The following ZNF516 variants were observed in gnomAD, a reference collection of about 807,000 sequenced individuals.
ZNF516 encodes zinc finger protein 516.
In ZNF516, 19 loss-of-function variants were observed where a neutral mutation model predicts 79.7. The ratio of observed to expected loss-of-function variants is 0.24; its 90% CI spans 0.17 to 0.35. The LOEUF is 0.35. Ranked by LOEUF, ZNF516 falls within the 10% of genes least tolerant of loss-of-function variation. The pLI, the probability that ZNF516 is intolerant of heterozygous loss-of-function variation, is 1.00. For missense variants in ZNF516, 1,678 were observed against 1,679.5 expected (o/e 1.00, Z 0.02); for synonymous variants, 877 against 739.5 (o/e 1.19, Z -3.02).
chr18:76,422,276 T>C (rs2075518436), intron 3 of ZNF516, among the ~76,000 whole-genome samples: 1 of 151,984 alleles, frequency 6.6e-6, no homozygotes, highest in South Asian at 2.1e-4. Context: ...CAGAAGAGCC[T>C]GCGGAGAGCG....
intron 3 of ZNF516, among the ~76,000 whole-genome samples, chr18:76,399,767 C>T (rs2075193668): frequency 6.6e-6 from 1 of 152,178 alleles, no homozygotes; most frequent in African/African-American, 2.4e-5. Context: ...ATCCCTTGAA[C>T]ATAGCTCTGG....
chr18:76,462,444 CAG>C (rs1178293308), intron 2 of ZNF516, among the ~76,000 whole-genome samples: 36 of 152,358 alleles, frequency 2.4e-4, no homozygotes, highest in African/African-American at 8.4e-4. Flanking sequence ...CAGGTCTCAG[CAG>C]AGAGATTAGC....
At chr18:76,391,170 G>A (rs2075068092) in intron 3 of ZNF516, among the ~76,000 whole-genome samples, 1 of 152,172 alleles carries the variant, frequency 6.6e-6, no homozygotes. Flanking sequence ...AAAATGATAT[G>A]AAGAGTCTGC....
chr18:76,379,198 G>A lies in ZNF516; in HGVS notation c.2916C>T (p.Asp972=). The A allele has an allele frequency of 6.2e-7, 1 of 1,612,894 alleles. No individual in the cohort carries two copies. The highest frequency in any genetic ancestry group is 8.5e-7 in the Non-Finnish European group (1 of 1,179,766). ...FAPTNKHSAP[D]SLKAKFSAQP... ...GAGCACTGAATTTGGCTTTCAGGGAGTCCGGGGCACTGTGCTTATTTGTGG... is the reference window on the plus strand; with the variant it reads ...GAGCACTGAATTTGGCTTTCAGGGAATCCGGGGCACTGTGCTTATTTGTGG... Residue 972 remains aspartate (D), a synonymous_variant, in exon 4 of 7, where the codon GAC becomes GAT. Coordinates refer to ENST00000443185, the MANE Select transcript of ZNF516 (RefSeq NM_014643.4).
At chr18:76,440,061 C>T (rs689878) in intron 3 of ZNF516, among the ~76,000 whole-genome samples, 85,469 of 152,064 alleles carry the variant, frequency 0.56, 24,233 homozygotes, top group South Asian at 0.68. Context: ...TTAAAATACG[C>T]ATTACTGAAA....
Position 76,362,379 on chromosome 18 carries a change from G to C in ZNF516, c.*119C>G. 1 of 949,258 alleles carries C rather than the reference G, an allele frequency of 1.1e-6. No homozygotes were observed. The highest frequency in any genetic ancestry group is 2.7e-5 in the East Asian group (1 of 37,658). The allele number at this position is 949,258 out of a possible 1,614,324, so 58.8% of individuals were successfully genotyped here. On this transcript the variant is annotated 3_prime_UTR_variant, in exon 7 of 7. Coordinates refer to ENST00000443185, the MANE Select transcript of ZNF516 (RefSeq NM_014643.4). Reference sequence around the variant, plus strand: ...GCTCGGGATGTGAGGTGTCTGCTCAGGAGTTCCCCGGCTGTTCTTCCATGG... The same window carrying C: ...GCTCGGGATGTGAGGTGTCTGCTCACGAGTTCCCCGGCTGTTCTTCCATGG...
At chr18:76,487,930 G>A (rs1239365981) in intron 1 of ZNF516, 3 of 985,272 alleles carry the variant, frequency 3.0e-6, no homozygotes, top group Admixed American at 1.2e-4. Flanking sequence ...AGGGGAGGGA[G>A]AAGAAGGGAA....
chr18:76,410,878 G>A (rs965842372), intron 3 of ZNF516, among the ~76,000 whole-genome samples: 9 of 152,102 alleles, frequency 5.9e-5, no homozygotes, highest in African/African-American at 2.2e-4. Context: ...ACACATCAAA[G>A]AGCAAACACC....
intron 3 of ZNF516, among the ~76,000 whole-genome samples, chr18:76,390,715 G>C (rs937328377): frequency 1.3e-5 from 2 of 152,162 alleles, no homozygotes; most frequent in Admixed American, 1.3e-4. Context: ...AGGAGAAGCT[G>C]GGTTTGCCAA....
intron 3 of ZNF516, among the ~76,000 whole-genome samples, chr18:76,441,029 G>GGGGACCCTGGGCACA (rs1198059475): frequency 2.0e-5 from 3 of 152,140 alleles, no homozygotes; most frequent in Non-Finnish European, 4.4e-5. Context: ...CCTGGGTGTG[G>GGGGACCCTGGGCACA]GGGACCCTGG....
At position 76,389,926 on chromosome 18, in the gene ZNF516, C is replaced by T. The variant is rs150542244; in HGVS notation, c.1811-9623G>A. Reference sequence around the variant, plus strand: ...GGTCACATGACCTCACCTGTGGTCCCGAGCGATAGTGGGCAGCACGCAGTT... The same window carrying T: ...GGTCACATGACCTCACCTGTGGTCCTGAGCGATAGTGGGCAGCACGCAGTT... On this transcript the variant is annotated intron_variant, in intron 3 of 6. Transcript: ENST00000443185. Among the ~76,000 whole-genome samples the T allele has an allele frequency of 1.7e-3, 260 of 152,234 alleles. 1 individual carries two copies. The highest frequency in any genetic ancestry group is 5.9e-3 in the African/African-American group (245 of 41,526).
At chr18:76,488,529 A>AGGGGGG (rs1914967946) in intron 1 of ZNF516, among the ~76,000 whole-genome samples, 13 of 28,804 alleles carry the variant, frequency 4.5e-4, no homozygotes, top group South Asian at 1.5e-3. Context: ...TTTGAGGGGG[A>AGGGGGG]GGGGGAGGGG....
intron 3 of ZNF516, among the ~76,000 whole-genome samples, chr18:76,408,179 C>T (rs778944827): frequency 6.6e-6 from 1 of 152,204 alleles, no homozygotes; most frequent in East Asian, 1.9e-4. Flanking sequence ...AGGGACAGAA[C>T]TGGCAGGACC....
At chr18:76,481,343 G>A (rs1025980397) in intron 1 of ZNF516, among the ~76,000 whole-genome samples, 2 of 152,250 alleles carry the variant, frequency 1.3e-5, no homozygotes, top group Non-Finnish European at 2.9e-5. Context: ...GAGGCAGACA[G>A]CCTGTCCCAA....
intron 3 of ZNF516, among the ~76,000 whole-genome samples, chr18:76,414,691 A>AT (rs1183568237): frequency 1.6e-4 from 24 of 152,406 alleles, no homozygotes; most frequent in African/African-American, 5.3e-4. Flanking sequence ...AAACCAATAA[A>AT]TTCTAAAATT....
At position 76,442,411 on chromosome 18, in the gene ZNF516, A is replaced by G; in HGVS notation, c.644T>C (p.Leu215Pro). The change falls in exon 3 of 7, where the codon CTG becomes CCG. Residue 215 changes from leucine to proline, a missense_variant. By Grantham distance (98) the Leu-to-Pro change is moderately conservative (BLOSUM62 -3). Coordinates refer to ENST00000443185, the MANE Select transcript of ZNF516 (RefSeq NM_014643.4). ...GTGGTCCCTCTCGATGTGGCTCAGC[A>G]GCGACTCCTCCCGCAGCGTCGCGTA... ...CSYATLREES[L>P]LSHIERDHIT... 6.2e-7 allele frequency: 1 copy of G among 1,607,718 alleles called. No individual in the cohort carries two copies. Among genetic ancestry groups the G allele is most frequent in the Non-Finnish European group, 8.5e-7 (1 of 1,179,620 alleles).
At chr18:76,437,354 G>A (rs1201562187) in intron 3 of ZNF516, among the ~76,000 whole-genome samples, 1 of 152,148 alleles carries the variant, frequency 6.6e-6, no homozygotes, top group Non-Finnish European at 1.5e-5. Context: ...TGGGCGGCAG[G>A]GAGGCAGCCA....
chr18:76,404,074 C>A (rs1041594287), intron 3 of ZNF516, among the ~76,000 whole-genome samples: 9 of 152,230 alleles, frequency 5.9e-5, no homozygotes, highest in Non-Finnish European at 1.3e-4. Flanking sequence ...ACTGGCCTCC[C>A]CACTCCACTC....
In ZNF516 at chr18:76,493,301, G is replaced by A; in HGVS notation, c.-272+1843C>T. On this transcript the variant is annotated intron_variant, in intron 1 of 6. Transcript: ENST00000443185. This position sits in a 1 kb window ranked among gnomAD's most constrained non-coding sequence, Gnocchi z 5.2. ...AGTGGAGGCGGAAAGGGAGCTCCGAGAAAGAAGGAGGGGTCATTCCGCGGG... is the reference window on the plus strand; with the variant it reads ...AGTGGAGGCGGAAAGGGAGCTCCGAAAAAGAAGGAGGGGTCATTCCGCGGG... 2.3e-5 allele frequency: 5 copies of A among 220,250 alleles called. No homozygotes were observed. The highest frequency in any genetic ancestry group is 3.3e-5 in the Non-Finnish European group (5 of 150,702). The allele number at this position is 220,250 out of a possible 1,614,324, so 13.6% of individuals were successfully genotyped here. A position where few individuals can be genotyped will look rare whatever the true frequency, so the allele number is the denominator to read the frequency against.
Sources: allele counts gnomAD v4.1 joint callset (sites outside exome capture counted in the v4.1 genomes callset), GRCh38; gene constraint gnomAD v4.1.1; non-coding constraint Gnocchi (gnomAD v3.1); transcripts MANE v1.5; gene names NCBI Gene and HGNC (gene_info 2026-07-23, HGNC 2026-07-21).